The following TAF15 variants were observed in gnomAD, a reference collection of about 807,000 sequenced individuals.
TAF15 encodes TATA-binding protein-associated factor 2N.
A neutral mutation model predicts 102.5 loss-of-function variants in TAF15; 37 were observed. The observed-to-expected ratio is 0.36, with a 90% CI of 0.28 to 0.47. The LOEUF (loss-of-function observed/expected upper bound fraction) is 0.47, where lower values mean the gene tolerates loss of function less well. Among genes scored for constraint, TAF15 ranks in the 20% least tolerant of loss-of-function variants. The pLI is 0.99. For synonymous variants in TAF15, 273 were observed against 259.2 expected (o/e 1.05, Z -0.51); for missense variants, 652 against 760.7 (o/e 0.86, Z 1.68).
intron 11 of TAF15, among the ~76,000 whole-genome samples, chr17:35,840,049 A>T (rs1043264392): frequency 6.6e-6 from 1 of 152,042 alleles, no homozygotes; most frequent in African/African-American, 2.4e-5. Context: ...TTTTACAGAG[A>T]GTGAAACTGA....
At chr17:35,833,871 A>C (rs1234070949) in intron 7 of TAF15, 36 bp from the exon 8 acceptor site, 2 of 1,612,782 alleles carry the variant, frequency 1.2e-6, no homozygotes, top group African/African-American at 1.3e-5. Flanking sequence ...TTAGAGACTT[A>C]AGGAAGAAAT....
chr17:35,834,614 G>T lies in TAF15; in HGVS notation c.673+16G>T, dbSNP rs760194282. 6.2e-7 allele frequency: 1 copy of T among 1,611,542 alleles called. No individual in the cohort carries two copies. Among genetic ancestry groups the T allele is most frequent in the East Asian group, 2.2e-5 (1 of 44,814 alleles). On this transcript the variant is annotated intron_variant, in intron 9 of 15. Coordinates refer to ENST00000605844, the MANE Select transcript of TAF15 (RefSeq NM_139215.3). ...ACAGATGCTGGTAAGGTTTATGGTG[G>T]TTTGTCACTTTGCCATTAAGAAAAT...
At chr17:35,845,624 C>G (rs2087614958) in intron 15 of TAF15, among the ~76,000 whole-genome samples, 1 of 152,150 alleles carries the variant, frequency 6.6e-6, no homozygotes, top group Non-Finnish European at 1.5e-5. Flanking sequence ...GCCATTCTGC[C>G]TCAGCCTCCC....
intron 1 of TAF15, chr17:35,810,641 G>A (rs1020125981): frequency 2.6e-5 from 4 of 152,172 alleles, no homozygotes; most frequent in African/African-American, 9.7e-5. Context: ...TGTGGTTGAG[G>A]TGAAACAGGC....
chr17:35,844,142 T>G lies in TAF15; in HGVS notation c.1072T>G (p.Trp358Gly). 1.9e-6 allele frequency: 3 copies of G among 1,613,604 alleles called. No homozygotes were observed. Among genetic ancestry groups the G allele is most frequent in the Non-Finnish European group, 2.5e-6 (3 of 1,179,854 alleles). The change falls in exon 13 of 16, where the codon TGG becomes GGG. Residue 358 changes from tryptophan (W) to glycine (G), a missense_variant. By Grantham distance (184) the Trp-to-Gly change is radical (BLOSUM62 -2). Coordinates refer to ENST00000605844, the MANE Select transcript of TAF15 (RefSeq NM_139215.3). Reference sequence around the variant, plus strand: ...AGGTGGAGACCCCAAAAGTGGGGATTGGGTTTGCCCTAATCCGTAAGTGTC... The same window carrying G: ...AGGTGGAGACCCCAAAAGTGGGGATGGGGTTTGCCCTAATCCGTAAGTGTC... Reference protein sequence around the residue: ...GRGGDPKSGDWVCPNPSCGNM... With the variant: ...GRGGDPKSGDGVCPNPSCGNM...
At chr17:35,837,315 C>T (rs2087487643) in intron 10 of TAF15, among the ~76,000 whole-genome samples, 1 of 149,910 alleles carries the variant, frequency 6.7e-6, no homozygotes, top group African/African-American at 2.5e-5. Context: ...TCACACCCAG[C>T]TAGTTAAAAA....
Position 35,822,727 on chromosome 17 carries a change from A to T in TAF15, c.378A>T (p.Gln126His). ...YDQQSGYDQHQGSYDEQSNYD... is the reference protein window; with the variant it reads ...YDQQSGYDQHHGSYDEQSNYD... ...AGCAGTCAGGCTATGATCAACATCA[A>T]GGCTCATATGATGAGCAGTCAAATT... Residue 126 changes from glutamine to histidine, a missense_variant, in exon 6 of 16, where the codon CAA becomes CAT. This residue lies in a region of TAF15 where 243 missense variants were observed against 284.1 expected (regional missense o/e 0.86). Coordinates refer to ENST00000605844, the MANE Select transcript of TAF15 (RefSeq NM_139215.3). 6.2e-7 allele frequency: 1 copy of T among 1,614,158 alleles called. No homozygotes were observed. Among genetic ancestry groups the T allele is most frequent in the African/African-American group, 1.3e-5 (1 of 75,072 alleles).
chr17:35,845,035 G>A lies in TAF15; in HGVS notation c.1736G>A (p.Gly579Glu), dbSNP rs1451355081. 1 of 1,614,086 alleles carries A rather than the reference G, an allele frequency of 6.2e-7. No homozygotes were observed. The change falls in exon 15 of 16, where the codon GGA becomes GAA. Residue 579 changes from glycine to glutamate, a missense_variant. By Grantham distance (98) the Gly-to-Glu change is moderately conservative (BLOSUM62 -2). Transcript: ENST00000605844. ...DRGGYGGKMG[G>E]RNDYRNDQRN... ...GGTGGCTATGGAGGCAAAATGGGAG[G>A]AAGGTGAGTATTAGAATGTGTTTAT...
At position 35,841,015 on chromosome 17, in the gene TAF15, A is replaced by G. The variant is rs557811669; in HGVS notation, c.914-1352A>G. On this transcript the variant is annotated intron_variant, in intron 11 of 15. Coordinates refer to ENST00000605844, the MANE Select transcript of TAF15 (RefSeq NM_139215.3). The stretch of plus-strand genomic sequence containing the variant: ...GCTTTCATAAGAATGAGAGAAATGA[A>G]TCATGAAGCTATGTCTTTTGCATAT... Among the ~76,000 whole-genome samples the G allele has an allele frequency of 7.1e-4, 108 of 152,372 alleles. No individual in the cohort carries two copies. The South Asian group carries it at 0.011, about 15-fold the overall frequency.
At chr17:35,811,846 G>A (rs1349305024) in intron 1 of TAF15, among the ~76,000 whole-genome samples, 3 of 152,182 alleles carry the variant, frequency 2.0e-5, no homozygotes, top group Admixed American at 1.3e-4. Context: ...TTCTCATTCT[G>A]GCAGTGTGGC....
intron 7 of TAF15, among the ~76,000 whole-genome samples, chr17:35,825,885 C>T (rs185942149): frequency 5.3e-5 from 8 of 151,844 alleles, no homozygotes; most frequent in African/African-American, 7.2e-5. Context: ...ACCCGGGAGG[C>T]GGAGCATGCA....
intron 7 of TAF15, chr17:35,833,660 AT>A: frequency 2.2e-6 from 1 of 457,164 alleles, no homozygotes; most frequent in South Asian, 3.3e-5. Context: ...GGTTGGGAAG[AT>A]TTAGAAATAA....
At chr17:35,836,512 A>C (rs1172561149) in intron 10 of TAF15, among the ~76,000 whole-genome samples, 4 of 152,348 alleles carry the variant, frequency 2.6e-5, no homozygotes, top group Admixed American at 6.5e-5. Flanking sequence ...TATAACTGTG[A>C]GAAATAAAGG....
intron 11 of TAF15, 97 bp from the exon 12 acceptor site, chr17:35,842,270 C>G: frequency 1.1e-6 from 1 of 874,048 alleles, no homozygotes; most frequent in East Asian, 2.6e-5. Context: ...ATGTCAGTTA[C>G]TCCTCTGAAA....
Position 35,824,284 on chromosome 17 carries a change from G to T in TAF15, c.605+86G>T, listed in dbSNP as rs549613111. On this transcript the variant is annotated intron_variant, in intron 7 of 15. Coordinates refer to ENST00000605844, the MANE Select transcript of TAF15 (RefSeq NM_139215.3). The stretch of plus-strand genomic sequence containing the variant: ...GTGTTACTTGGCTGGATCAATTCCA[G>T]CATCTAATTTAGTTAAGAGACTTTA... 3 of 1,545,114 alleles carry T rather than the reference G, an allele frequency of 1.9e-6. No individual in the cohort carries two copies. The African/African-American group carries it at 4.2e-5, about 22-fold the overall frequency.
At position 35,844,797 on chromosome 17, in the gene TAF15, G is replaced by C. The variant is rs1022071846; in HGVS notation, c.1498G>C (p.Gly500Arg). The C allele has an allele frequency of 6.2e-7, 1 of 1,602,730 alleles. No individual in the cohort carries two copies. Among genetic ancestry groups the C allele is most frequent in the Non-Finnish European group, 8.5e-7 (1 of 1,170,836 alleles). ...RGGGYGGDRG[G>R]YGGDRGGYGG... ...TGGAGGCTATGGTGGAGACCGAGGA[G>C]GCTATGGAGGAGATCGAGGAGGTTA... is the stretch of plus-strand genomic sequence containing the variant. The change falls in exon 15 of 16, where the codon GGC becomes CGC. Residue 500 changes from glycine to arginine, a missense_variant. Transcript: ENST00000605844.
chr17:35,840,439 G>A (rs1014621488), intron 11 of TAF15, among the ~76,000 whole-genome samples: 4 of 150,410 alleles, frequency 2.7e-5, no homozygotes, highest in African/African-American at 9.7e-5. Context: ...TTTTAGCAGA[G>A]ACAGGGGTTT....
intron 7 of TAF15, among the ~76,000 whole-genome samples, chr17:35,829,437 C>T (rs1318035354): frequency 1.3e-5 from 2 of 150,504 alleles, no homozygotes; most frequent in Admixed American, 6.6e-5. Flanking sequence ...TCGAGACCAT[C>T]CTGGCTAACA....
At chr17:35,811,441 A>G (rs2087123123) in intron 1 of TAF15, 1 of 152,224 alleles carries the variant, frequency 6.6e-6, no homozygotes, top group African/African-American at 2.4e-5. Context: ...AATTAATTAA[A>G]GCTAGACTCT....
Sources: gnomAD v4.1 joint callset for allele counts (sites outside exome capture counted in the v4.1 genomes callset) on GRCh38, gnomAD v4.1.1 for gene constraint, gnomAD v4.1.1 regional missense constraint, MANE v1.5 for transcripts, NCBI Gene and HGNC (gene_info 2026-07-23, HGNC 2026-07-21) for gene names.